RORB: variants seen among roughly 807,000 people sequenced by gnomAD.
RORB encodes RAR related orphan receptor B.
Under a neutral mutation model 59.1 loss-of-function variants are expected in RORB, and 6 were observed. The observed-to-expected ratio is 0.10, with a 90% CI of 0.06 to 0.20. The LOEUF is 0.20. RORB is among the 10% of genes least tolerant of loss of function. The pLI, the probability that RORB is intolerant of heterozygous loss-of-function variation, is 1.00. For synonymous variants in RORB, 215 were observed against 204.5 expected (o/e 1.05, Z -0.44); for missense variants, 320 against 560.5 (o/e 0.57, Z 4.33).
chr9:74,612,851 A>G (rs1823253067), intron 1 of RORB, among the ~76,000 whole-genome samples: 1 of 151,678 alleles, frequency 6.6e-6, no homozygotes, highest in South Asian at 2.1e-4. Context: ...TTGCTTTCTG[A>G]CAAAAAAAAA....
intron 1 of RORB, among the ~76,000 whole-genome samples, chr9:74,597,998 A>T (rs761141621): frequency 4.6e-5 from 7 of 152,162 alleles, no homozygotes; most frequent in Admixed American, 2.6e-4. Flanking sequence ...CTGAAATGAT[A>T]ATATTTGATA....
intron 3 of RORB, among the ~76,000 whole-genome samples, chr9:74,638,001 G>A (rs906075035): frequency 2.0e-5 from 3 of 152,012 alleles, no homozygotes; most frequent in Non-Finnish European, 4.4e-5. Flanking sequence ...AATAGGCTTG[G>A]GTAGATTGAA....
chr9:74,603,340 C>T lies in RORB; in HGVS notation c.8-26942C>T, dbSNP rs985318811. On this transcript the variant is annotated intron_variant, in intron 1 of 9. Coordinates refer to ENST00000376896, the MANE Select transcript of RORB (RefSeq NM_006914.4). ...TCAGTAGCAACCACCATCTTCTGAC[C>T]GCTTTCTATTTGCCAAGCACAAGGA... 1.8e-4 allele frequency among the ~76,000 whole-genome samples: 27 copies of T among 152,106 alleles called. No individual in the cohort carries two copies. In the East Asian group the frequency reaches 3.9e-3, roughly 22 times the overall value.
chr9:74,636,275 C>G (rs760827333), intron 3 of RORB, among the ~76,000 whole-genome samples: 1 of 152,100 alleles, frequency 6.6e-6, no homozygotes. Context: ...CACTTTAATT[C>G]GCAGTGTCCG....
chr9:74,522,053 G>A (rs13291987), intron 1 of RORB, among the ~76,000 whole-genome samples: 45,862 of 151,496 alleles, frequency 0.3, 8,745 homozygotes, highest in Non-Finnish European at 0.42. Flanking sequence ...CAATGAAAAT[G>A]TATTGAGCAG....
chr9:74,548,841 A>G (rs1054186598), intron 1 of RORB, among the ~76,000 whole-genome samples: 2 of 152,164 alleles, frequency 1.3e-5, no homozygotes, highest in Non-Finnish European at 2.9e-5. Flanking sequence ...AAAATATTCT[A>G]AGGATTTTTT....
intron 1 of RORB, among the ~76,000 whole-genome samples, chr9:74,607,080 C>G (rs1315954797): frequency 6.6e-6 from 1 of 152,114 alleles, no homozygotes. Flanking sequence ...AGCCACGTCT[C>G]CTGGATTAAA....
intron 1 of RORB, among the ~76,000 whole-genome samples, chr9:74,583,669 C>T (rs1387578400): frequency 6.6e-6 from 1 of 152,022 alleles, no homozygotes; most frequent in Non-Finnish European, 1.5e-5. Flanking sequence ...CAGTTCAGAC[C>T]ACAAACCAGC....
chr9:74,584,068 C>G (rs1822762134), intron 1 of RORB, among the ~76,000 whole-genome samples: 1 of 152,190 alleles, frequency 6.6e-6, no homozygotes, highest in African/African-American at 2.4e-5. Context: ...CAGCCATAAA[C>G]ACTTTCTCTA....
intron 1 of RORB, among the ~76,000 whole-genome samples, chr9:74,511,071 G>A (rs1203126554): frequency 1.3e-5 from 2 of 152,116 alleles, no homozygotes; most frequent in African/African-American, 4.8e-5. Context: ...AAAACGTATT[G>A]CAGCCTCACA....
chr9:74,516,995 C>T (rs1826019942), intron 1 of RORB, among the ~76,000 whole-genome samples: 1 of 151,922 alleles, frequency 6.6e-6, no homozygotes, highest in Non-Finnish European at 1.5e-5. Context: ...AAGGAGCTCA[C>T]CCCTTTTTCA....
intron 1 of RORB, among the ~76,000 whole-genome samples, chr9:74,546,244 A>G (rs1456103834): frequency 1.3e-5 from 2 of 152,210 alleles, no homozygotes; most frequent in Admixed American, 6.5e-5. Context: ...TGGGTTTACC[A>G]CTTGAAAGGA....
intron 1 of RORB, among the ~76,000 whole-genome samples, chr9:74,517,629 A>T (rs1563926481): frequency 6.6e-6 from 1 of 152,090 alleles, no homozygotes; most frequent in Non-Finnish European, 1.5e-5. Context: ...TTTTTTAAAA[A>T]GGGTAGCCCC....
At chr9:74,651,534 C>A (rs1246349723) in intron 4 of RORB, among the ~76,000 whole-genome samples, 2 of 140,838 alleles carry the variant, frequency 1.4e-5, no homozygotes, top group African/African-American at 5.2e-5. Context: ...GACTCTGTCT[C>A]AAAAAAAAAA....
At chr9:74,559,801 T>C (rs1395534268) in intron 1 of RORB, among the ~76,000 whole-genome samples, 1 of 152,164 alleles carries the variant, frequency 6.6e-6, no homozygotes, top group Non-Finnish European at 1.5e-5. Flanking sequence ...AATACTGTTA[T>C]CCTCCCTTGT....
chr9:74,518,291 A>T (rs575499059), intron 1 of RORB, among the ~76,000 whole-genome samples: 7 of 152,028 alleles, frequency 4.6e-5, no homozygotes, highest in Non-Finnish European at 8.8e-5. Flanking sequence ...AATGAGAGGA[A>T]GATCGTTCAA....
intron 3 of RORB, among the ~76,000 whole-genome samples, chr9:74,637,989 T>C (rs972594510): frequency 5.3e-5 from 8 of 152,086 alleles, no homozygotes; most frequent in African/African-American, 1.9e-4. Flanking sequence ...TTTAAAATAA[T>C]GAATAGGCTT....
chr9:74,679,071 A>C (rs1266254851), intron 9 of RORB, among the ~76,000 whole-genome samples: 1 of 151,196 alleles, frequency 6.6e-6, no homozygotes, highest in South Asian at 2.1e-4. Context: ...AAAAAAAAAC[A>C]AAAAAACCAA....
rs981763923 is a variant in RORB at position 74,690,112 on chromosome 9, A to G, written c.*4494A>G. 1.3e-5 allele frequency: 2 copies of G among 152,174 alleles called. No homozygotes were observed. The highest frequency in any genetic ancestry group is 2.9e-5 in the Non-Finnish European group (2 of 68,056). The allele number at this position is 152,174 out of a possible 1,614,324, so 9.4% of individuals were successfully genotyped here. A position where few individuals can be genotyped will look rare whatever the true frequency, so the allele number is the denominator to read the frequency against. On this transcript the variant is annotated 3_prime_UTR_variant, in exon 10 of 10. Transcript: ENST00000376896. ...TGAAACTCTGCACAAAGTCCCCTGCATAAAGAAGAGAGGAAAGCCTACCAT... is the reference window on the plus strand; with the variant it reads ...TGAAACTCTGCACAAAGTCCCCTGCGTAAAGAAGAGAGGAAAGCCTACCAT...
Sources: allele counts gnomAD v4.1 joint callset (sites outside exome capture counted in the v4.1 genomes callset), GRCh38; gene constraint gnomAD v4.1.1; transcripts MANE v1.5; gene names NCBI Gene and HGNC (gene_info 2026-07-23, HGNC 2026-07-21).